Variants in RALGPS2 observed in about 807,000 individuals in gnomAD.
RALGPS2 encodes the protein Ral GEF with PH domain and SH3 binding motif 2.
RALGPS2 carries 43 observed loss-of-function variants against 86.8 expected under a neutral mutation model. The observed-to-expected ratio is 0.50, with a 90% confidence interval of 0.39 to 0.64. RALGPS2 has a LOEUF of 0.64. RALGPS2 is among the 30% of genes least tolerant of loss of function. The probability of loss-of-function intolerance (pLI) is 0.00; values close to 1 mark genes in which losing one functional copy is unlikely to be tolerated. For synonymous variants in RALGPS2, 243 were observed against 231.3 expected, an observed-to-expected ratio of 1.05 and a Z score of -0.46; for missense variants, 536 against 694.6, an observed-to-expected ratio of 0.77 and a Z score of 2.57.
Position 178,883,451 on chromosome 1 carries a change from CT to C in RALGPS2, c.837-10del. 1 of 1,590,190 alleles carries C rather than the reference CT, an allele frequency of 6.3e-7. No homozygotes were observed. Among genetic ancestry groups the C allele is most frequent in the South Asian group, 1.1e-5 (1 of 90,384 alleles). On this transcript the variant is annotated splice_polypyrimidine_tract_variant and intron_variant, in intron 10 of 19. Coordinates refer to ENST00000367635, the MANE Select transcript of RALGPS2 (RefSeq NM_152663.5). ...TAATTAATCATTGTATGTATTTTGT[CT>C]TTTTAAAATTCAGGCTTTCATTAAA...
intron 8 of RALGPS2, among the ~76,000 whole-genome samples, chr1:178,856,329 G>A (rs1657567535): frequency 7.1e-6 from 1 of 140,052 alleles, no homozygotes; most frequent in African/African-American, 2.7e-5. Flanking sequence ...CTGGGCTCAA[G>A]TGATCCTCCC....
chr1:178,904,009 A>G (rs1018156921), intron 18 of RALGPS2, among the ~76,000 whole-genome samples: 3 of 152,100 alleles, frequency 2.0e-5, no homozygotes, highest in African/African-American at 7.2e-5. Flanking sequence ...CCATGCCAAC[A>G]TCTACTGTTT....
intron 8 of RALGPS2, chr1:178,853,170 T>C (rs1232718430): frequency 2.0e-6 from 2 of 985,288 alleles, no homozygotes; most frequent in Admixed American, 1.2e-4. Flanking sequence ...AGTATTCATT[T>C]GCATAGCTAG....
rs928529171 is a variant in RALGPS2 at position 178,920,136 on chromosome 1, C to T, written c.*3777C>T. On this transcript the variant is annotated 3_prime_UTR_variant, in exon 20 of 20. Transcript: ENST00000367635. ...TCTGTTTTTTCTAAGCTTTGAGATACAAATATTGCTATTTAATCACATTGA... is the reference window on the plus strand; with the variant it reads ...TCTGTTTTTTCTAAGCTTTGAGATATAAATATTGCTATTTAATCACATTGA... 1 of 151,948 alleles carries T rather than the reference C, an allele frequency of 6.6e-6. No individual in the cohort carries two copies. Among genetic ancestry groups the T allele is most frequent in the Non-Finnish European group, 1.5e-5 (1 of 67,850 alleles). 9.4% of individuals were successfully genotyped at this position (151,948 alleles called of 1,614,324 possible).
intron 8 of RALGPS2, chr1:178,869,212 C>T (rs923623282): frequency 2.6e-5 from 4 of 152,026 alleles, no homozygotes; most frequent in Non-Finnish European, 5.9e-5. Context: ...TTCATAGTTG[C>T]TATATTGCCA....
intron 4 of RALGPS2, among the ~76,000 whole-genome samples, chr1:178,804,209 G>A (rs1357294071): frequency 1.4e-5 from 2 of 146,356 alleles, no homozygotes; most frequent in Middle Eastern, 3.4e-3. Flanking sequence ...TTCCAACCTC[G>A]ATCCTGGAGC....
chr1:178,770,507 C>CT lies in RALGPS2; in HGVS notation c.-83-6156dup, dbSNP rs747336558. Among the ~76,000 whole-genome samples the CT allele has an allele frequency of 9.9e-3, 1,344 of 136,186 alleles. 20 individuals are homozygous for CT. Among genetic ancestry groups the CT allele is most frequent in the African/African-American group, 0.021 (781 of 36,558 alleles). 89.3% of individuals were successfully genotyped at this position (136,186 alleles called of 152,430 possible). A position where few individuals can be genotyped will look rare whatever the true frequency, so the allele number is the denominator to read the frequency against. Reference sequence around the variant, plus strand: ...TTAAGATTAGTTTGCATACTTCATACTTTTTTTTTTTTTTTTTTTCTGAGA... The same window carrying CT: ...TTAAGATTAGTTTGCATACTTCATACTTTTTTTTTTTTTTTTTTTTCTGAGA... On this transcript the variant is annotated intron_variant, in intron 1 of 19. Transcript: ENST00000367635.
At chr1:178,770,018 CTT>C (rs35638965) in intron 1 of RALGPS2, among the ~76,000 whole-genome samples, 11,359 of 134,024 alleles carry the variant, frequency 0.085, 519 homozygotes, top group African/African-American at 0.16. Flanking sequence ...TCGATTGCTT[CTT>C]TTTTTTTTTT....
intron 1 of RALGPS2, among the ~76,000 whole-genome samples, chr1:178,735,601 CTTTTTTT>C (rs1299543356): frequency 2.4e-5 from 1 of 41,374 alleles, no homozygotes; most frequent in Non-Finnish European, 4.9e-5. Context: ...TTTTTGTATT[CTTTTTTT>C]TTTTTTTTTT....
chr1:178,726,449 T>TA (rs1163554845), intron 1 of RALGPS2, among the ~76,000 whole-genome samples: 5 of 151,910 alleles, frequency 3.3e-5, no homozygotes, highest in African/African-American at 1.2e-4. Context: ...GTACAAATGT[T>TA]AATTTGTTTG....
chr1:178,733,624 T>C (rs944164216), intron 1 of RALGPS2, among the ~76,000 whole-genome samples: 3 of 152,232 alleles, frequency 2.0e-5, no homozygotes, highest in Admixed American at 1.3e-4. Context: ...GGTTTGAAAA[T>C]TGGTACAGCC....
intron 4 of RALGPS2, among the ~76,000 whole-genome samples, chr1:178,790,396 A>G (rs961051452): frequency 5.9e-5 from 9 of 152,254 alleles, no homozygotes; most frequent in Non-Finnish European, 1.2e-4. Context: ...CATAGTAAAT[A>G]ATAAGATAAA....
intron 4 of RALGPS2, among the ~76,000 whole-genome samples, chr1:178,804,290 ATTATAC>A (rs1654628535): frequency 8.7e-6 from 1 of 115,516 alleles, no homozygotes; most frequent in Admixed American, 9.1e-5. Flanking sequence ...TTTATTTATT[ATTATAC>A]TTTAAGTTTT....
intron 13 of RALGPS2, 69 bp downstream of exon 13, chr1:178,886,189 A>G (rs1659474270): frequency 4.7e-6 from 7 of 1,496,570 alleles, no homozygotes; most frequent in South Asian, 2.5e-5. Flanking sequence ...ACTTGGCTGG[A>G]AAAAAACCCC....
intron 1 of RALGPS2, among the ~76,000 whole-genome samples, chr1:178,732,633 T>C (rs1201770394): frequency 6.6e-6 from 1 of 152,146 alleles, no homozygotes; most frequent in Non-Finnish European, 1.5e-5. Context: ...CCTTTAATAT[T>C]TCATCATTAA....
chr1:178,822,446 A>C (rs1014497799), intron 7 of RALGPS2, among the ~76,000 whole-genome samples: 3 of 152,086 alleles, frequency 2.0e-5, no homozygotes, highest in African/African-American at 7.2e-5. Context: ...ATTTTGTACA[A>C]AGGATCAATG....
intron 10 of RALGPS2, 23 bp from the exon 11 acceptor site, chr1:178,883,443 T>G (rs749519056): frequency 2.0e-6 from 3 of 1,531,146 alleles, no homozygotes; most frequent in African/African-American, 2.7e-5. Context: ...TCATTGTATG[T>G]ATTTTGTCTT....
chr1:178,744,214 G>A (rs999174198), intron 1 of RALGPS2, among the ~76,000 whole-genome samples: 5 of 151,548 alleles, frequency 3.3e-5, no homozygotes, highest in Admixed American at 1.3e-4. Flanking sequence ...AAAAGCAATC[G>A]TTGTAATTCA....
chr1:178,731,336 G>A (rs111585819), intron 1 of RALGPS2, among the ~76,000 whole-genome samples: 3,491 of 127,772 alleles, frequency 0.027, 145 homozygotes, highest in African/African-American at 0.097. Context: ...AGGCTGGAGA[G>A]CAGTGATATG....
Sources: gnomAD v4.1 joint callset for allele counts (sites outside exome capture counted in the v4.1 genomes callset) on GRCh38, gnomAD v4.1.1 for gene constraint, MANE v1.5 for transcripts, NCBI Gene and HGNC (gene_info 2026-07-23, HGNC 2026-07-21) for gene names.